The following RFX3 variants were observed in gnomAD, a reference collection of about 807,000 sequenced individuals.
RFX3 encodes regulatory factor X3.
In RFX3, 14 loss-of-function variants were observed where a neutral mutation model predicts 98.6. That is an observed-to-expected ratio of 0.14 (90% confidence interval 0.09 to 0.22). The LOEUF is 0.22. RFX3 is among the 10% of genes least tolerant of loss of function. RFX3 has a pLI of 1.00. For missense variants in RFX3, 639 were observed against 926.9 expected, an observed-to-expected ratio of 0.69 and a Z score of 4.03; for synonymous variants, 383 against 328.4, an observed-to-expected ratio of 1.17 and a Z score of -1.80.
intron 1 of RFX3, among the ~76,000 whole-genome samples, chr9:3,522,653 A>T (rs1464526897): frequency 6.6e-6 from 1 of 152,060 alleles, no homozygotes; most frequent in Non-Finnish European, 1.5e-5. Flanking sequence ...ACACACACAG[A>T]CTTTAAAATC....
chr9:3,431,132 G>T (rs147830693), intron 1 of RFX3, among the ~76,000 whole-genome samples: 2 of 152,278 alleles, frequency 1.3e-5, no homozygotes, highest in East Asian at 3.9e-4. Context: ...CAAGTGCTGG[G>T]ACTATCTACC....
intron 1 of RFX3, chr9:3,400,187 T>A: frequency 3.1e-6 from 3 of 961,132 alleles, no homozygotes; most frequent in Non-Finnish European, 3.7e-6. Context: ...CCGAAGGCCA[T>A]ACAGACGCTG....
chr9:3,317,475 TA>T (rs1830757360), intron 4 of RFX3, among the ~76,000 whole-genome samples: 1 of 152,164 alleles, frequency 6.6e-6, no homozygotes, highest in South Asian at 2.1e-4. Context: ...ACTTCATGAC[TA>T]AAACACCAAA....
chr9:3,235,856 C>T (rs1819079716), intron 15 of RFX3, among the ~76,000 whole-genome samples: 1 of 152,134 alleles, frequency 6.6e-6, no homozygotes, highest in South Asian at 2.1e-4. Context: ...TTAAATTCAA[C>T]CAATTAGCAA....
intron 1 of RFX3, among the ~76,000 whole-genome samples, chr9:3,403,737 A>G (rs1438068937): frequency 2.0e-5 from 3 of 152,204 alleles, no homozygotes; most frequent in Non-Finnish European, 4.4e-5. Flanking sequence ...CTGGAAAGAC[A>G]TACAGGACAG....
intron 3 of RFX3, among the ~76,000 whole-genome samples, chr9:3,340,355 T>G (rs1257027551): frequency 6.6e-6 from 1 of 152,160 alleles, no homozygotes; most frequent in Non-Finnish European, 1.5e-5. Flanking sequence ...AAGGACTTCA[T>G]GTCTAAAACA....
chr9:3,310,233 G>T (rs1829806157), intron 4 of RFX3, among the ~76,000 whole-genome samples: 1 of 152,140 alleles, frequency 6.6e-6, no homozygotes, highest in Admixed American at 6.6e-5. Context: ...GGAACCAAAA[G>T]AGGCTCCCCT....
intron 1 of RFX3, among the ~76,000 whole-genome samples, chr9:3,399,128 C>T (rs560024578): frequency 6.6e-6 from 1 of 151,772 alleles, no homozygotes; most frequent in African/African-American, 2.4e-5. Flanking sequence ...AATCAGAAAA[C>T]TTTGAACTAA....
intron 12 of RFX3, among the ~76,000 whole-genome samples, chr9:3,264,108 T>A (rs926112101): frequency 1.3e-5 from 2 of 152,154 alleles, no homozygotes; most frequent in Non-Finnish European, 2.9e-5. Flanking sequence ...AAATAAACTC[T>A]TCTTAAACTC....
intron 2 of RFX3, among the ~76,000 whole-genome samples, chr9:3,371,188 C>T (rs145916985): frequency 1.3e-5 from 2 of 152,230 alleles, no homozygotes; most frequent in East Asian, 1.9e-4. Context: ...TCATTTACAG[C>T]GGCTTCCATT....
intron 1 of RFX3, among the ~76,000 whole-genome samples, chr9:3,438,020 A>G (rs995991733): frequency 2.6e-5 from 4 of 152,056 alleles, no homozygotes; most frequent in African/African-American, 9.7e-5. Context: ...CCTTGAATAA[A>G]GACAGAAACA....
chr9:3,384,307 G>A (rs1173186923), intron 2 of RFX3, among the ~76,000 whole-genome samples: 2 of 152,136 alleles, frequency 1.3e-5, no homozygotes, highest in Admixed American at 6.6e-5. Flanking sequence ...TTGAAAAAAA[G>A]AATCATTTGC....
intron 1 of RFX3, among the ~76,000 whole-genome samples, chr9:3,487,408 T>C (rs1850368143): frequency 1.3e-5 from 2 of 152,232 alleles, no homozygotes; most frequent in Admixed American, 6.5e-5. Flanking sequence ...TAAAGACCAA[T>C]TGTTATTGGC....
intron 1 of RFX3, among the ~76,000 whole-genome samples, chr9:3,470,466 C>G (rs1439505638): frequency 6.6e-6 from 1 of 151,314 alleles, no homozygotes; most frequent in African/African-American, 2.4e-5. Flanking sequence ...AGGTGCCCAC[C>G]ACCACACCCG....
chr9:3,348,568 CATTA>C (rs1336512112), intron 2 of RFX3, among the ~76,000 whole-genome samples: 1 of 151,782 alleles, frequency 6.6e-6, no homozygotes, highest in Non-Finnish European at 1.5e-5. Context: ...AAATTCCTCT[CATTA>C]ATTATTTAGT....
At chr9:3,239,195 A>G (rs1338260020) in intron 15 of RFX3, among the ~76,000 whole-genome samples, 4 of 152,356 alleles carry the variant, frequency 2.6e-5, no homozygotes, top group Middle Eastern at 3.4e-3. Context: ...GCACTGATAC[A>G]TGGTTTTGCA....
chr9:3,228,836 T>G lies in RFX3; in HGVS notation c.2011+11A>C. ...AAAGTTCTTAAAATGTACATTATTT[T>G]CGATTCTTACCTTTATCCAGATTTC... On this transcript the variant is annotated intron_variant, in intron 16 of 16. Coordinates refer to ENST00000617270, the MANE Select transcript of RFX3 (RefSeq NM_001282116.2). The G allele has an allele frequency of 6.2e-7, 1 of 1,602,848 alleles. No homozygotes were observed. Among genetic ancestry groups the G allele is most frequent in the South Asian group, 1.1e-5 (1 of 88,854 alleles).
At chr9:3,372,080 C>G (rs982748309) in intron 2 of RFX3, among the ~76,000 whole-genome samples, 1 of 152,130 alleles carries the variant, frequency 6.6e-6, no homozygotes, top group East Asian at 1.9e-4. Context: ...CAGTGTACAC[C>G]GGCCAAGCTT....
At chr9:3,451,299 A>G (rs760711511) in intron 1 of RFX3, among the ~76,000 whole-genome samples, 51 of 152,306 alleles carry the variant, frequency 3.3e-4, no homozygotes, top group Non-Finnish European at 5.9e-4. Context: ...CAATCTCAGA[A>G]CTTTGGGAGG....
Sources: allele counts gnomAD v4.1 joint callset (sites outside exome capture counted in the v4.1 genomes callset), GRCh38; gene constraint gnomAD v4.1.1; transcripts MANE v1.5; gene names NCBI Gene and HGNC (gene_info 2026-07-23, HGNC 2026-07-21).